The following EFHD2 variants were observed in gnomAD, a reference collection of about 807,000 sequenced individuals.
EFHD2 encodes the protein EF-hand domain-containing protein D2.
Under a neutral mutation model 20.3 loss-of-function variants are expected in EFHD2, and 12 were observed. The observed-to-expected ratio is 0.59, with a 90% CI of 0.38 to 0.96. The LOEUF is 0.96. Ranked by LOEUF, EFHD2 falls within the 40% of genes least tolerant of loss-of-function variation. The probability of loss-of-function intolerance (pLI) is 0.00; values close to 1 mark genes in which losing one functional copy is unlikely to be tolerated. For missense variants in EFHD2, 250 were observed against 334.3 expected, an observed-to-expected ratio of 0.75 and a Z score of 1.97; for synonymous variants, 131 against 143.9, an observed-to-expected ratio of 0.91 and a Z score of 0.64.
At chr1:15,417,791 C>T (rs67861674) in intron 1 of EFHD2, among the ~76,000 whole-genome samples, 12,310 of 152,170 alleles carry the variant, frequency 0.081, 655 homozygotes, top group South Asian at 0.21. Flanking sequence ...ATTGTCTGTT[C>T]TCCTGGGACC....
chr1:15,421,706 C>A (rs77439031), intron 1 of EFHD2, among the ~76,000 whole-genome samples: 1,924 of 152,256 alleles, frequency 0.013, 36 homozygotes, highest in African/African-American at 0.042. Flanking sequence ...GAAACCCATG[C>A]ACTTGAGCAA....
intron 3 of EFHD2, 84 bp downstream of exon 3, chr1:15,427,368 G>T (rs370065906): frequency 3.3e-6 from 5 of 1,514,224 alleles, no homozygotes; most frequent in Non-Finnish European, 4.4e-6. Flanking sequence ...TCCCCTTCCC[G>T]TCCCTGCTGA....
intron 3 of EFHD2, 139 bp from the exon 4 acceptor site, chr1:15,428,454 G>T (rs1459826710): frequency 2.8e-6 from 3 of 1,088,378 alleles, no homozygotes; most frequent in Non-Finnish European, 3.8e-6. Context: ...CCAAGATTGC[G>T]CCATCGCACT....
At position 15,427,197 on chromosome 1, in the gene EFHD2, C is replaced by T. The variant is rs1395113766; in HGVS notation, c.504C>T (p.Asp168=). The change falls in exon 3 of 4, where the codon GAC becomes GAT. Residue 168 remains aspartate, a synonymous_variant. Coordinates refer to ENST00000375980, the MANE Select transcript of EFHD2 (RefSeq NM_024329.6). ...CGGCGGCCGGGGAGCTTCAGGAGGA[C>T]AGCGGGCTGTGCGTGCTGGCCCGCC... is the stretch of plus-strand genomic sequence containing the variant. The part of the protein sequence containing the change: ...RKAAAGELQE[D]SGLCVLARLS... 2 of 1,607,278 alleles carry T rather than the reference C, an allele frequency of 1.2e-6. No individual in the cohort carries two copies. The highest frequency in any genetic ancestry group is 8.5e-7 in the Non-Finnish European group (1 of 1,177,436).
intron 1 of EFHD2, among the ~76,000 whole-genome samples, chr1:15,418,186 C>T (rs1707714719): frequency 6.6e-6 from 1 of 151,302 alleles, no homozygotes; most frequent in South Asian, 2.1e-4. Flanking sequence ...GACAGGGTTT[C>T]ACCATGTTGG....
chr1:15,423,430 T>C (rs973231620), intron 1 of EFHD2, among the ~76,000 whole-genome samples: 4 of 152,190 alleles, frequency 2.6e-5, no homozygotes, highest in Non-Finnish European at 4.4e-5. Flanking sequence ...AATGCTCCCC[T>C]TGTGCTCCAG....
chr1:15,424,493 G>C (rs1175300156), intron 1 of EFHD2, among the ~76,000 whole-genome samples: 2 of 152,168 alleles, frequency 1.3e-5, no homozygotes, highest in African/African-American at 4.8e-5. Context: ...TAGAAAAAAA[G>C]AGAACCTGAG....
rs947211750 is a variant in EFHD2, at chr1:15,424,919, G to A, written c.309-952G>A. On this transcript the variant is annotated intron_variant, in intron 1 of 3. Transcript: ENST00000375980. ...ATCCCCTATTCCAGTGCTTCTCAGC[G>A]GAGAATGCTTTTATCCTGCTGGGGA... Among the ~76,000 whole-genome samples, 12 of 152,286 alleles carry A rather than the reference G, an allele frequency of 7.9e-5. No individual in the cohort carries two copies. In the East Asian group the frequency reaches 1.7e-3, roughly 22 times the overall value.
intron 1 of EFHD2, among the ~76,000 whole-genome samples, chr1:15,424,148 C>T (rs1707835932): frequency 1.3e-5 from 2 of 150,622 alleles, no homozygotes; most frequent in African/African-American, 4.9e-5. Flanking sequence ...GCTGTGATCG[C>T]GCCTGGGTAA....
At chr1:15,412,568 C>T (rs1034137806) in intron 1 of EFHD2, among the ~76,000 whole-genome samples, 23 of 152,146 alleles carry the variant, frequency 1.5e-4, no homozygotes, top group Admixed American at 1.0e-3. Flanking sequence ...GTGTTCGTGG[C>T]GGATTGTCCA....
intron 1 of EFHD2, among the ~76,000 whole-genome samples, chr1:15,423,305 T>C (rs1707823960): frequency 6.6e-6 from 1 of 151,946 alleles, no homozygotes; most frequent in African/African-American, 2.4e-5. Flanking sequence ...CATCCATCAG[T>C]GGGGCAGAAG....
intron 1 of EFHD2, among the ~76,000 whole-genome samples, chr1:15,415,364 G>A (rs72881520): frequency 0.11 from 16,456 of 152,036 alleles, 915 homozygotes; most frequent in Middle Eastern, 0.24. Flanking sequence ...CCCTGCCTCT[G>A]TGCCCCCTCC....
At chr1:15,415,682 A>G (rs923330522) in intron 1 of EFHD2, among the ~76,000 whole-genome samples, 6 of 151,654 alleles carry the variant, frequency 4.0e-5, no homozygotes, top group African/African-American at 1.5e-4. Flanking sequence ...TAGAGACGGG[A>G]TTTCACCATG....
At chr1:15,424,147 G>A (rs944469103) in intron 1 of EFHD2, among the ~76,000 whole-genome samples, 2 of 151,080 alleles carry the variant, frequency 1.3e-5, no homozygotes, top group East Asian at 1.9e-4. Flanking sequence ...AGCTGTGATC[G>A]CGCCTGGGTA....
rs147294261 is a variant in EFHD2, at chr1:15,428,353, C to T, written c.592-240C>T. ...CTCTACTAAAAACACCAAAATTAGCCGGGCATGGTGGAGGGCACCCATAAT... is the reference window on the plus strand; with the variant it reads ...CTCTACTAAAAACACCAAAATTAGCTGGGCATGGTGGAGGGCACCCATAAT... On this transcript the variant is annotated intron_variant, in intron 3 of 3. Coordinates refer to ENST00000375980, the MANE Select transcript of EFHD2 (RefSeq NM_024329.6). 4.6e-5 allele frequency among the ~76,000 whole-genome samples: 7 copies of T among 152,220 alleles called. No individual in the cohort carries two copies. The East Asian group carries it at 9.6e-4, about 21-fold the overall frequency.
In EFHD2 at chr1:15,413,255, GAGGC is replaced by G. The variant is rs1389716637; in HGVS notation, c.308+2980_308+2983del. ...CCTGGGAAGCCAGTCACTAGAGCAG[GAGGC>G]AGGAGACCATGAGGTCAGCAGGAGA... On this transcript the variant is annotated intron_variant, in intron 1 of 3. Coordinates refer to ENST00000375980, the MANE Select transcript of EFHD2 (RefSeq NM_024329.6). The surrounding 1 kb of genome is among the most constrained non-coding windows in gnomAD (Gnocchi z 4.4). 6.6e-6 allele frequency among the ~76,000 whole-genome samples: 1 copy of G among 152,176 alleles called. No homozygotes were observed. Among genetic ancestry groups the G allele is most frequent in the Non-Finnish European group, 1.5e-5 (1 of 68,010 alleles).
chr1:15,417,966 ACTTT>A (rs1447438295), intron 1 of EFHD2, among the ~76,000 whole-genome samples: 9 of 145,982 alleles, frequency 6.2e-5, no homozygotes, highest in African/African-American at 1.8e-4. Flanking sequence ...ACGAGGAGCA[ACTTT>A]CTTTCTTTTT....
chr1:15,415,818 C>T (rs541011847), intron 1 of EFHD2, among the ~76,000 whole-genome samples: 2 of 152,254 alleles, frequency 1.3e-5, no homozygotes, highest in East Asian at 3.9e-4. Context: ...CCCCATTTGA[C>T]AGATGAGAAG....
In EFHD2 at chr1:15,425,941, C is replaced by G. The variant is rs1707867202; in HGVS notation, c.379C>G (p.Pro127Ala). ...ACTCATGATGGAGAAACTTGGGGCC[C>G]CTCAGACCCACCTGGGCCTGAAAAA... ...LKLMMEKLGA[P>A]QTHLGLKNMI... The change falls in exon 2 of 4, where the codon CCT (proline) becomes GCT (alanine). Residue 127 changes from proline (P) to alanine (A), a missense_variant. By Grantham distance (27) the Pro-to-Ala change is conservative (BLOSUM62 -1). Around this residue, in one of 3 missense-constraint regions of EFHD2, gnomAD observed 143 missense variants for 190.6 expected, o/e 0.75. Transcript: ENST00000375980. 6.2e-7 allele frequency: 1 copy of G among 1,604,926 alleles called. No homozygotes were observed. The highest frequency in any genetic ancestry group is 1.3e-5 in the African/African-American group (1 of 74,360).
Sources: allele counts gnomAD v4.1 joint callset (sites outside exome capture counted in the v4.1 genomes callset), GRCh38; gene constraint gnomAD v4.1.1; regional missense constraint gnomAD v4.1.1; non-coding constraint Gnocchi (gnomAD v3.1); transcripts MANE v1.5; gene names NCBI Gene and HGNC (gene_info 2026-07-23, HGNC 2026-07-21).